The following MYO16 variants were observed in gnomAD, a reference collection of about 807,000 sequenced individuals.
MYO16 encodes the protein myosin XVI, also known as unconventional myosin-XVI.
A neutral mutation model predicts 205.3 loss-of-function variants in MYO16; 94 were observed. The observed-to-expected ratio is 0.46, with a 90% CI of 0.39 to 0.54. The LOEUF is 0.54. MYO16 is among the 20% of genes least tolerant of loss of function. MYO16 has a pLI of 0.00. For missense variants in MYO16, 2,315 were observed against 2,387.5 expected (o/e 0.97, Z 0.63); for synonymous variants, 988 against 954.0 (o/e 1.04, Z -0.66).
At chr13:108,775,171 T>C (rs1168719304) in intron 4 of MYO16, among the ~76,000 whole-genome samples, 1 of 152,198 alleles carries the variant, frequency 6.6e-6, no homozygotes, top group African/African-American at 2.4e-5. Context: ...GTGTGGCTCT[T>C]CATTCTGTAC....
chr13:109,048,615 C>T, intron 24 of MYO16: 1 of 343,234 alleles, frequency 2.9e-6, no homozygotes, highest in Non-Finnish European at 5.2e-6. Flanking sequence ...TGCTCACTCA[C>T]TCTATCATAA....
intron 4 of MYO16, among the ~76,000 whole-genome samples, chr13:108,761,359 AAAAAAG>A (rs145294118): frequency 0.04 from 6,044 of 152,210 alleles, 125 homozygotes; most frequent in Non-Finnish European, 0.057. Flanking sequence ...CATGGACACT[AAAAAAG>A]AAAAAGAAAA....
rs778078540 is a variant in MYO16, at chr13:108,866,214, A to T, written c.1397A>T (p.Tyr466Phe). ...GACATTCTTTTGCTTGTTAACCCAT[A>T]CAAGGAGCTTCCAATTTATTCTTCC... ...IGDILLLVNP[Y>F]KELPIYSSMV... Residue 466 changes from tyrosine (Y) to phenylalanine (F), a missense_variant, in exon 12 of 35, where the codon TAC becomes TTC. Around this residue, in one of 3 missense-constraint regions of MYO16, gnomAD observed 1,213 missense variants for 1,274.4 expected, o/e 0.95. Coordinates refer to ENST00000457511, the MANE Select transcript of MYO16 (RefSeq NM_001198950.3). 1.9e-6 allele frequency: 3 copies of T among 1,603,770 alleles called. No homozygotes were observed. Among genetic ancestry groups the T allele is most frequent in the Non-Finnish European group, 2.6e-6 (3 of 1,173,800 alleles).
chr13:108,798,830 C>A (rs1191355759), intron 6 of MYO16, among the ~76,000 whole-genome samples: 1 of 147,260 alleles, frequency 6.8e-6, no homozygotes, highest in South Asian at 2.2e-4. Context: ...CTCAGCCTCC[C>A]GAGTAGCTGG....
the MYO16 span, among the ~76,000 whole-genome samples, chr13:108,575,736 A>C: frequency 6.6e-6 from 1 of 152,026 alleles, no homozygotes; most frequent in East Asian, 1.9e-4. Context: ...CCGCGTATAC[A>C]TTTCTTCTCT....
chr13:108,497,495 A>C, the MYO16 span, among the ~76,000 whole-genome samples: 3 of 152,200 alleles, frequency 2.0e-5, no homozygotes, highest in African/African-American at 7.2e-5. Context: ...TATAGACAGC[A>C]TATGTTCCAG....
chr13:108,837,096 T>A (rs1876966674), intron 9 of MYO16, among the ~76,000 whole-genome samples: 1 of 152,168 alleles, frequency 6.6e-6, no homozygotes, highest in Non-Finnish European at 1.5e-5. Context: ...AATCCCCACG[T>A]GTGGTGGGAG....
intron 16 of MYO16, among the ~76,000 whole-genome samples, chr13:108,947,159 G>A (rs1882969265): frequency 6.6e-6 from 1 of 152,212 alleles, no homozygotes; most frequent in African/African-American, 2.4e-5. Context: ...TATTACTAAA[G>A]TTTTGGTGAA....
At chr13:108,768,878 TTGAAC>T (rs1885867333) in intron 4 of MYO16, among the ~76,000 whole-genome samples, 1 of 152,104 alleles carries the variant, frequency 6.6e-6, no homozygotes, top group Non-Finnish European at 1.5e-5. Context: ...GCCAAAACCC[TTGAAC>T]AGATAATTTA....
chr13:108,740,968 C>CT (rs1385248845), intron 4 of MYO16, among the ~76,000 whole-genome samples: 1 of 152,168 alleles, frequency 6.6e-6, no homozygotes, highest in Admixed American at 6.6e-5. Flanking sequence ...GTGCCGTTTG[C>CT]TAAGACCCTT....
intron 34 of MYO16, among the ~76,000 whole-genome samples, chr13:109,189,976 A>G (rs1040659809): frequency 2.6e-5 from 4 of 151,842 alleles, no homozygotes; most frequent in African/African-American, 9.7e-5. Flanking sequence ...TATTTTATAC[A>G]AAGTTTTAGT....
intron 3 of MYO16, among the ~76,000 whole-genome samples, chr13:108,724,924 A>G (rs1884289210): frequency 6.6e-6 from 1 of 151,976 alleles, no homozygotes; most frequent in African/African-American, 2.4e-5. Flanking sequence ...CACAATTCTC[A>G]GTGCTCTTCA....
chr13:108,941,364 T>C (rs1033242275), intron 16 of MYO16, among the ~76,000 whole-genome samples: 1 of 152,096 alleles, frequency 6.6e-6, no homozygotes, highest in Non-Finnish European at 1.5e-5. Flanking sequence ...CAAAGCATTC[T>C]GGAGCGAAGA....
rs1338574223 is a variant in MYO16 at position 108,871,034 on chromosome 13, T to C, written c.1425+4792T>C. On this transcript the variant is annotated intron_variant, in intron 12 of 34. Coordinates refer to ENST00000457511, the MANE Select transcript of MYO16 (RefSeq NM_001198950.3). ...GTAGAAATATAAACCGAATTAATCT[T>C]CGTTTTCTACTTTTGTTTCTCTTTG... 6.6e-5 allele frequency among the ~76,000 whole-genome samples: 10 copies of C among 152,300 alleles called. No individual in the cohort carries two copies. The East Asian group carries it at 1.5e-3, about 23-fold the overall frequency.
chr13:108,798,426 A>C (rs866224005), intron 6 of MYO16, among the ~76,000 whole-genome samples: 6 of 152,184 alleles, frequency 3.9e-5, no homozygotes, highest in Admixed American at 6.5e-5. Flanking sequence ...AATTGCAACA[A>C]AATAACTAAA....
At chr13:108,753,077 G>A (rs183177) in intron 4 of MYO16, among the ~76,000 whole-genome samples, 152,016 of 152,018 alleles carry the variant, frequency 1, 76,007 homozygotes, top group Middle Eastern at 1. Context: ...AAATTTAGTA[G>A]CAATAAAATA....
intron 1 of MYO16, among the ~76,000 whole-genome samples, chr13:108,602,101 G>A (rs1234705655): frequency 1.9e-4 from 22 of 118,030 alleles, no homozygotes; most frequent in Non-Finnish European, 2.8e-4. Context: ...AGGATATGAT[G>A]AAAAAAAAAA....
At chr13:108,595,532 G>C (rs1181030154), upstream of MYO16, among the ~76,000 whole-genome samples, 1 of 152,150 alleles carries the variant, frequency 6.6e-6, no homozygotes, top group Non-Finnish European at 1.5e-5. Context: ...TTTAGTGGAA[G>C]GTTAATCAGG....
At chr13:109,151,661 A>G (rs1173671332) in intron 32 of MYO16, among the ~76,000 whole-genome samples, 1 of 152,264 alleles carries the variant, frequency 6.6e-6, no homozygotes, top group African/African-American at 2.4e-5. Context: ...ATATATGCAC[A>G]ATTGGTACAT....
Sources: allele counts gnomAD v4.1 joint callset (sites outside exome capture counted in the v4.1 genomes callset), GRCh38; gene constraint gnomAD v4.1.1; regional missense constraint gnomAD v4.1.1; transcripts MANE v1.5; gene names NCBI Gene and HGNC (gene_info 2026-07-23, HGNC 2026-07-21).